GALNTL6: variants seen among roughly 807,000 people sequenced by gnomAD.
The protein encoded by GALNTL6 is polypeptide N-acetylgalactosaminyltransferase like 6.
A neutral mutation model predicts 73.7 loss-of-function variants in GALNTL6; 46 were observed. That is an observed-to-expected ratio of 0.62 (90% CI 0.49 to 0.80). The LOEUF (loss-of-function observed/expected upper bound fraction) is 0.80, where lower values mean the gene tolerates loss of function less well. Ranked by LOEUF, GALNTL6 falls within the 30% of genes least tolerant of loss-of-function variation. The probability of loss-of-function intolerance (pLI) is 0.00; values close to 1 mark genes in which losing one functional copy is unlikely to be tolerated. For synonymous variants in GALNTL6, 259 were observed against 263.7 expected (o/e 0.98, Z 0.17); for missense variants, 604 against 755.0 (o/e 0.80, Z 2.34).
intron 2 of GALNTL6, among the ~76,000 whole-genome samples, chr4:171,868,915 A>C (rs1736054873): frequency 6.6e-6 from 1 of 152,146 alleles, no homozygotes; most frequent in African/African-American, 2.4e-5. Context: ...TCCTGACCTC[A>C]GGTGATCCAC....
intron 5 of GALNTL6, among the ~76,000 whole-genome samples, chr4:172,808,180 A>G (rs1451587769): frequency 6.6e-6 from 1 of 152,192 alleles, no homozygotes. Context: ...TCATTGACCC[A>G]TTTGTGAAAC....
At chr4:172,654,161 A>G (rs1730853712) in intron 5 of GALNTL6, among the ~76,000 whole-genome samples, 1 of 152,210 alleles carries the variant, frequency 6.6e-6, no homozygotes, top group Admixed American at 6.5e-5. Context: ...AGTGGACTTC[A>G]CTCCATGCAA....
intron 2 of GALNTL6, among the ~76,000 whole-genome samples, chr4:171,848,394 G>A (rs948997026): frequency 6.6e-6 from 1 of 152,208 alleles, no homozygotes; most frequent in Non-Finnish European, 1.5e-5. Flanking sequence ...GTAAGGTTTA[G>A]CATTGGCTTC....
Position 171,853,264 on chromosome 4 carries a change from T to C in GALNTL6, c.138+38546T>C, listed in dbSNP as rs184359915. 7.2e-5 allele frequency among the ~76,000 whole-genome samples: 11 copies of C among 152,020 alleles called. No homozygotes were observed. The East Asian group carries it at 1.7e-3, about 24-fold the overall frequency. On this transcript the variant is annotated intron_variant, in intron 2 of 12. Coordinates refer to ENST00000506823, the MANE Select transcript of GALNTL6 (RefSeq NM_001034845.3). ...CAGAGAATAATTTGAATGGCAAAAG[T>C]ACTTCATTGATGAAAATACAGAAAC...
chr4:172,486,084 G>A (rs1450350438), intron 5 of GALNTL6, among the ~76,000 whole-genome samples: 2 of 152,168 alleles, frequency 1.3e-5, no homozygotes, highest in African/African-American at 4.8e-5. Flanking sequence ...CAATGATCAA[G>A]ATATGATGTG....
At chr4:172,918,977 G>A (rs904076148) in intron 8 of GALNTL6, among the ~76,000 whole-genome samples, 3 of 152,014 alleles carry the variant, frequency 2.0e-5, no homozygotes, top group Non-Finnish European at 4.4e-5. Flanking sequence ...ATTTAATATT[G>A]CTTAAAAAAC....
rs185475876 is a variant in GALNTL6 at position 172,559,540 on chromosome 4, G to A, written c.553+210851G>A. On this transcript the variant is annotated intron_variant, in intron 5 of 12. Coordinates refer to ENST00000506823, the MANE Select transcript of GALNTL6 (RefSeq NM_001034845.3). ...CTCTTCTCTGAATACATCATAATCC[G>A]GATTAAAATTTCTACCATCTGTAAT... Among the ~76,000 whole-genome samples, 18 of 152,114 alleles carry A rather than the reference G, an allele frequency of 1.2e-4. No homozygotes were observed. The East Asian group carries it at 1.5e-3, about 13-fold the overall frequency.
intron 2 of GALNTL6, among the ~76,000 whole-genome samples, chr4:171,933,234 A>G (rs77338683): frequency 0.042 from 6,468 of 152,262 alleles, 398 homozygotes; most frequent in African/African-American, 0.14. Context: ...TTGATTTTAA[A>G]TCAGTCCCTC....
intron 7 of GALNTL6, among the ~76,000 whole-genome samples, chr4:172,859,045 G>GT (rs1449284902): frequency 1.5e-5 from 1 of 66,856 alleles, no homozygotes. Context: ...GGAGTGGTCA[G>GT]GAAAAAAAAA....
intron 5 of GALNTL6, among the ~76,000 whole-genome samples, chr4:172,593,275 T>C (rs1240840290): frequency 6.6e-6 from 1 of 152,344 alleles, no homozygotes; most frequent in East Asian, 1.9e-4. Flanking sequence ...TGTATTATTT[T>C]CCAAATTTGT....
intron 5 of GALNTL6, among the ~76,000 whole-genome samples, chr4:172,778,093 A>T (rs1046785146): frequency 8.5e-5 from 13 of 152,282 alleles, no homozygotes; most frequent in African/African-American, 2.9e-4. Flanking sequence ...TAGAATTCTC[A>T]TATAAATTGT....
At chr4:172,595,151 A>AT (rs1737805393) in intron 5 of GALNTL6, among the ~76,000 whole-genome samples, 1 of 152,200 alleles carries the variant, frequency 6.6e-6, no homozygotes, top group African/African-American at 2.4e-5. Context: ...ACCTCCTAAT[A>AT]TCATCACATT....
chr4:172,253,070 A>G (rs1737938099), intron 3 of GALNTL6, among the ~76,000 whole-genome samples: 1 of 152,034 alleles, frequency 6.6e-6, no homozygotes, highest in African/African-American at 2.4e-5. Flanking sequence ...TAAAAGTCTA[A>G]AAAGCGGGAT....
rs368123764 is a variant in GALNTL6 at position 172,681,413 on chromosome 4, A to G, written c.554-127948A>G. On this transcript the variant is annotated intron_variant, in intron 5 of 12. Coordinates refer to ENST00000506823, the MANE Select transcript of GALNTL6 (RefSeq NM_001034845.3). ...CATACAAAACCAATATCTTAAGTCC[A>G]ATGACGTTTAGTGTGTATAATCTAT... Among the ~76,000 whole-genome samples, 209 of 152,276 alleles carry G rather than the reference A, an allele frequency of 1.4e-3. 1 individual carries two copies. The highest frequency in any genetic ancestry group is 2.6e-3 in the Non-Finnish European group (174 of 68,014).
chr4:172,814,551 T>G (rs1741495448), intron 7 of GALNTL6, among the ~76,000 whole-genome samples: 1 of 152,190 alleles, frequency 6.6e-6, no homozygotes, highest in Admixed American at 6.6e-5. Context: ...ATTTTAAAAC[T>G]ATTATATATG....
chr4:171,857,879 T>G (rs2110873443), intron 2 of GALNTL6, among the ~76,000 whole-genome samples: 1 of 152,304 alleles, frequency 6.6e-6, no homozygotes, highest in South Asian at 2.1e-4. Context: ...TCTATTATAC[T>G]GAGTCATAGC....
intron 2 of GALNTL6, among the ~76,000 whole-genome samples, chr4:172,112,091 A>G (rs984732547): frequency 1.3e-5 from 2 of 152,052 alleles, no homozygotes; most frequent in African/African-American, 4.8e-5. Flanking sequence ...CTGGAAACCA[A>G]TAATCTTTTA....
intron 2 of GALNTL6, among the ~76,000 whole-genome samples, chr4:172,062,601 T>A (rs1300991120): frequency 6.6e-6 from 1 of 152,216 alleles, no homozygotes; most frequent in South Asian, 2.1e-4. Context: ...TTCAAAGCAA[T>A]AAATAACTAT....
At chr4:172,308,564 C>A (rs1030389143) in intron 3 of GALNTL6, among the ~76,000 whole-genome samples, 6 of 152,050 alleles carry the variant, frequency 3.9e-5, no homozygotes, top group African/African-American at 1.2e-4. Context: ...TTGTCAGATG[C>A]TTTTTCTGCA....
Sources: allele counts gnomAD v4.1 joint callset (sites outside exome capture counted in the v4.1 genomes callset), GRCh38; gene constraint gnomAD v4.1.1; transcripts MANE v1.5; gene names NCBI Gene and HGNC (gene_info 2026-07-23, HGNC 2026-07-21).